FUNDC2: variants seen among roughly 807,000 people sequenced by gnomAD.
FUNDC2 encodes FUN14 domain-containing protein 2.
In FUNDC2, 4 loss-of-function variants were observed where a neutral mutation model predicts 15.6. That is an observed-to-expected ratio of 0.26 (90% CI 0.13 to 0.59). The LOEUF (loss-of-function observed/expected upper bound fraction) is 0.59, where lower values mean the gene tolerates loss of function less well. Among genes scored for constraint, FUNDC2 ranks in the 20% least tolerant of loss-of-function variants. The pLI, the probability that FUNDC2 is intolerant of heterozygous loss-of-function variation, is 0.90. For missense variants in FUNDC2, 98 were observed against 149.7 expected, an observed-to-expected ratio of 0.65 and a Z score of 1.80; for synonymous variants, 44 against 56.9, an observed-to-expected ratio of 0.77 and a Z score of 1.02.
intron 2 of FUNDC2, 23 bp downstream of exon 2, chrX:155,033,576 A>G: frequency 8.4e-7 from 1 of 1,195,457 alleles, no homozygotes; most frequent in Non-Finnish European, 1.1e-6. Context: ...AAAGATGTCC[A>G]CTGTCTTTTG....
chrX:155,047,054 T>C (rs2073865084), intron 3 of FUNDC2: 1 of 218,514 alleles, frequency 4.6e-6, no homozygotes, highest in Non-Finnish European at 8.5e-6. Flanking sequence ...TTGCCAGTTC[T>C]CTGAGACTGC....
chrX:155,059,375 T>C lies in FUNDC2; in HGVS notation c.*4703T>C, dbSNP rs1336479575. On this transcript the variant is annotated 3_prime_UTR_variant, in exon 5 of 5. Transcript: ENST00000369498. ...ACGAAGGGAAAACTACCTTTCTAGC[T>C]AAAAGGTCTGTCAGTCACTAACCAA... 1 of 111,154 alleles carries C rather than the reference T, an allele frequency of 9.0e-6. No homozygotes were observed. Among genetic ancestry groups the C allele is most frequent in the African/African-American group, 3.3e-5 (1 of 30,492 alleles). The allele number at this position is 111,154 out of a possible 1,213,427, so 9.2% of individuals were successfully genotyped here.
chrX:155,044,276 A>T (rs2073855891), intron 2 of FUNDC2, among the ~76,000 whole-genome samples: 1 of 111,757 alleles, frequency 8.9e-6, no homozygotes, highest in South Asian at 3.7e-4. Flanking sequence ...CCAGATGAGG[A>T]GCTGTAACAG....
Position 155,056,276 on chromosome X carries a change from C to G in FUNDC2, c.*1604C>G, listed in dbSNP as rs1216227983. The G allele has an allele frequency of 2.7e-5, 3 of 111,643 alleles. No homozygotes were observed. The highest frequency in any genetic ancestry group is 5.6e-5 in the Non-Finnish European group (3 of 53,103). 9.2% of individuals were successfully genotyped at this position (111,643 alleles called of 1,213,427 possible). ...CTGGTTTTTACCAGTTATTGTGAAA[C>G]AAATATCAAAATGTCATTTTATCAT... On this transcript the variant is annotated 3_prime_UTR_variant, in exon 5 of 5. Transcript: ENST00000369498.
intron 1 of FUNDC2, 121 bp downstream of exon 1, chrX:155,027,192 G>A: frequency 6.5e-6 from 5 of 772,359 alleles, no homozygotes; most frequent in Non-Finnish European, 8.5e-6. Flanking sequence ...AGCGGCGCGG[G>A]GACGGGGAGG....
chrX:155,052,549 T>G (rs1372789476), intron 4 of FUNDC2, among the ~76,000 whole-genome samples: 1 of 111,870 alleles, frequency 8.9e-6, no homozygotes, highest in East Asian at 2.8e-4. Flanking sequence ...GATTCTCCCA[T>G]TAGCTCACTC....
chrX:155,048,796 G>A (rs1383510447), intron 3 of FUNDC2, among the ~76,000 whole-genome samples: 1 of 112,179 alleles, frequency 8.9e-6, no homozygotes, highest in Admixed American at 9.4e-5. Context: ...TTTCCGTATA[G>A]ATCTTGTACA....
At chrX:155,049,397 T>A (rs2073873517) in intron 3 of FUNDC2, 1 of 113,110 alleles carries the variant, frequency 8.8e-6, no homozygotes, top group Admixed American at 9.3e-5. Context: ...TTTGTTGTAG[T>A]TGTCCACGTC....
At chrX:155,033,776 T>A (rs782736821) in intron 2 of FUNDC2, among the ~76,000 whole-genome samples, 3 of 112,265 alleles carry the variant, frequency 2.7e-5, no homozygotes, top group South Asian at 7.3e-4. Context: ...TACATAGATA[T>A]CTCATTTCCT....
intron 3 of FUNDC2, among the ~76,000 whole-genome samples, 179 bp downstream of exon 3, chrX:155,046,763 T>C (rs1557290073): frequency 1.8e-5 from 2 of 112,598 alleles, no homozygotes; most frequent in African/African-American, 6.5e-5. Flanking sequence ...ATTATACTAG[T>C]AAATGTTATT....
At chrX:155,032,738 T>C (rs1462477029) in intron 1 of FUNDC2, among the ~76,000 whole-genome samples, 8 of 112,367 alleles carry the variant, frequency 7.1e-5, no homozygotes, top group African/African-American at 2.6e-4. Context: ...ATCCACGTAG[T>C]ACTTAGAAAA....
intron 2 of FUNDC2, among the ~76,000 whole-genome samples, chrX:155,041,937 C>T (rs1208676439): frequency 4.7e-5 from 5 of 106,955 alleles, no homozygotes; most frequent in Non-Finnish European, 9.6e-5. Context: ...GTCGTGGTGG[C>T]GGGCGCCTGT....
chrX:155,051,499 T>G, intron 3 of FUNDC2, 171 bp from the exon 4 acceptor site: 1 of 459,760 alleles, frequency 2.2e-6, no homozygotes, highest in East Asian at 3.9e-5. Flanking sequence ...TGGCTTCGCA[T>G]ATAGGGGGGA....
chrX:155,048,921 A>G (rs1557290259), intron 3 of FUNDC2, among the ~76,000 whole-genome samples: 4 of 112,438 alleles, frequency 3.6e-5, no homozygotes, highest in African/African-American at 1.3e-4. Context: ...TACAGTTGAT[A>G]TTTTATGTTG....
intron 2 of FUNDC2, among the ~76,000 whole-genome samples, chrX:155,038,277 G>A (rs782071995): frequency 2.7e-5 from 3 of 111,270 alleles, no homozygotes; most frequent in Non-Finnish European, 5.7e-5. Flanking sequence ...TATTTGTGGC[G>A]TACATGATGT....
intron 2 of FUNDC2, among the ~76,000 whole-genome samples, chrX:155,034,349 A>G (rs1277548417): frequency 2.7e-5 from 3 of 112,409 alleles, no homozygotes; most frequent in Admixed American, 9.4e-5. Flanking sequence ...ATTCAACTAC[A>G]TTGTGTATAG....
At chrX:155,035,576 A>G (rs1359650700) in intron 2 of FUNDC2, among the ~76,000 whole-genome samples, 1 of 111,928 alleles carries the variant, frequency 8.9e-6, no homozygotes, top group Non-Finnish European at 1.9e-5. Context: ...TCCTCCCGCC[A>G]CTGATCTGCT....
chrX:155,059,766 A>G lies in FUNDC2; in HGVS notation c.*5094A>G, dbSNP rs781953719. ...TTGGAGCCACCGAATGTCATGTTGAACCGTATTCCCTAATGGAGGTGGATC... is the reference window on the plus strand; with the variant it reads ...TTGGAGCCACCGAATGTCATGTTGAGCCGTATTCCCTAATGGAGGTGGATC... On this transcript the variant is annotated 3_prime_UTR_variant, in exon 5 of 5. Coordinates refer to ENST00000369498, the MANE Select transcript of FUNDC2 (RefSeq NM_023934.4). 2 of 112,165 alleles carry G rather than the reference A, an allele frequency of 1.8e-5. No individual in the cohort carries two copies. Among genetic ancestry groups the G allele is most frequent in the Non-Finnish European group, 3.8e-5 (2 of 53,185 alleles). 9.2% of individuals were successfully genotyped at this position (112,165 alleles called of 1,213,427 possible). A position where few individuals can be genotyped will look rare whatever the true frequency, so the allele number is the denominator to read the frequency against.
rs1406185573 is a variant in FUNDC2 at position 155,056,003 on chromosome X, A to C, written c.*1331A>C. The C allele has an allele frequency of 8.9e-6, 1 of 112,259 alleles. No homozygotes were observed. Among genetic ancestry groups the C allele is most frequent in the Non-Finnish European group, 1.9e-5 (1 of 53,267 alleles). The allele number at this position is 112,259 out of a possible 1,213,427, so 9.3% of individuals were successfully genotyped here. A position where few individuals can be genotyped will look rare whatever the true frequency, so the allele number is the denominator to read the frequency against. ...CCAGTGGATGTGTGGAACTTTACAGAAACCACCTATTTGCGTTTTTCTCCT... is the reference window on the plus strand; with the variant it reads ...CCAGTGGATGTGTGGAACTTTACAGCAACCACCTATTTGCGTTTTTCTCCT... On this transcript the variant is annotated 3_prime_UTR_variant, in exon 5 of 5. Coordinates refer to ENST00000369498, the MANE Select transcript of FUNDC2 (RefSeq NM_023934.4).
Sources: allele counts gnomAD v4.1 joint callset (sites outside exome capture counted in the v4.1 genomes callset), GRCh38; gene constraint gnomAD v4.1.1; transcripts MANE v1.5; gene names NCBI Gene and HGNC (gene_info 2026-07-23, HGNC 2026-07-21).